IGFL2: variants seen among roughly 807,000 people sequenced by gnomAD.
IGFL2 encodes the protein insulin growth factor-like family member 2.
A neutral mutation model predicts 13.9 loss-of-function variants in IGFL2; 7 were observed. That is an observed-to-expected ratio of 0.51 (90% CI 0.29 to 0.95). The LOEUF (loss-of-function observed/expected upper bound fraction) is 0.95. Ranked by LOEUF, IGFL2 falls within the 40% of genes least tolerant of loss-of-function variation. The probability of loss-of-function intolerance (pLI) is 0.08; values close to 1 mark genes in which losing one functional copy is unlikely to be tolerated. For synonymous variants in IGFL2, 55 were observed against 55.8 expected (o/e 0.99, Z 0.07); for missense variants, 138 against 147.8 (o/e 0.93, Z 0.34).
chr19:46,120,270 T>C, the IGFL2 span: 11 of 1,607,306 alleles, frequency 6.8e-6, 1 homozygote, highest in Admixed American at 6.8e-5. Context: ...TAGTCTCCGA[T>C]GTCCAGCTGC....
chr19:46,093,604 A>C, the IGFL2 span, among the ~76,000 whole-genome samples: 17 of 152,338 alleles, frequency 1.1e-4, no homozygotes, highest in South Asian at 3.5e-3. Context: ...TGAACTGTCT[A>C]TTTACAGACA....
chr19:46,162,659 T>C (rs1168856062), downstream of IGFL2, among the ~76,000 whole-genome samples: 1 of 152,216 alleles, frequency 6.6e-6, no homozygotes, highest in Non-Finnish European at 1.5e-5. Flanking sequence ...TGTTAGGTTC[T>C]TTTTTATACC....
chr19:46,160,868 A>C lies in IGFL2; in HGVS notation c.328A>C (p.Ser110Arg), dbSNP rs375412531. The change falls in exon 3 of 4, where the codon AGT (serine) becomes CGT (arginine). Residue 110 changes from serine to arginine, a missense_variant. Physicochemically the swap from Ser to Arg is moderately radical, Grantham distance 110 (BLOSUM62 -1). Transcript: ENST00000377693. ...NSQCHSSPIS[S>R]KCESRRRFP ...CCAGTGCCACTCATCTCCCATCTCC[A>C]GTAAATGTGAAAGGTAGGGACCCCG... is the stretch of plus-strand genomic sequence containing the variant. 1 of 1,613,714 alleles carries C rather than the reference A, an allele frequency of 6.2e-7. No individual in the cohort carries two copies. The highest frequency in any genetic ancestry group is 8.5e-7 in the Non-Finnish European group (1 of 1,179,806).
the IGFL2 span, among the ~76,000 whole-genome samples, chr19:46,092,815 T>A: frequency 3.5e-4 from 54 of 152,198 alleles, no homozygotes; most frequent in African/African-American, 1.3e-3. Flanking sequence ...ATTGAAATTG[T>A]TATTTTATCA....
At chr19:46,147,533 C>G (rs375092349), upstream of IGFL2, among the ~76,000 whole-genome samples, 4 of 152,300 alleles carry the variant, frequency 2.6e-5, no homozygotes, top group South Asian at 4.1e-4. Flanking sequence ...TAGGCTGCAA[C>G]AAAATGCAGT....
the IGFL2 span, among the ~76,000 whole-genome samples, chr19:46,132,101 CA>C: frequency 3.3e-5 from 5 of 152,150 alleles, no homozygotes; most frequent in Non-Finnish European, 5.9e-5. Flanking sequence ...AGGAGGGAAA[CA>C]GTGAATTTTG....
At chr19:46,160,520 G>A in intron 2 of IGFL2, 52 bp downstream of exon 2, 4 of 1,612,680 alleles carry the variant, frequency 2.5e-6, no homozygotes, top group Non-Finnish European at 3.4e-6. Flanking sequence ...ACTTTGGAAA[G>A]TGGGCATGGG....
intron 1 of IGFL2, among the ~76,000 whole-genome samples, chr19:46,149,728 G>C (rs1973370779): frequency 6.6e-6 from 1 of 151,940 alleles, no homozygotes; most frequent in East Asian, 1.9e-4. Flanking sequence ...TTTTACAACT[G>C]AATAAATTCA....
At chr19:46,103,615 CAG>C in the IGFL2 span, among the ~76,000 whole-genome samples, 5,607 of 152,112 alleles carry the variant, frequency 0.037, 159 homozygotes, top group East Asian at 0.071. Flanking sequence ...GCAGTGTAAA[CAG>C]GGGCACGACA....
At chr19:46,097,072 A>C in the IGFL2 span, among the ~76,000 whole-genome samples, 3 of 152,352 alleles carry the variant, frequency 2.0e-5, no homozygotes, top group South Asian at 6.2e-4. Flanking sequence ...ATTGTTTGGA[A>C]TAGTTTCAGA....
upstream of IGFL2, among the ~76,000 whole-genome samples, chr19:46,142,056 GAC>G (rs1284253313): frequency 6.6e-6 from 1 of 152,054 alleles, no homozygotes; most frequent in East Asian, 1.9e-4. Context: ...TGACTTTAGG[GAC>G]CCAGGTACAC....
chr19:46,162,469 C>A (rs572998513), downstream of IGFL2, among the ~76,000 whole-genome samples: 1 of 152,298 alleles, frequency 6.6e-6, no homozygotes, highest in Admixed American at 6.5e-5. Context: ...TCCCATACTT[C>A]TTGGAGGTTT....
chr19:46,079,867 A>G, the IGFL2 span, among the ~76,000 whole-genome samples: 4 of 152,200 alleles, frequency 2.6e-5, no homozygotes, highest in African/African-American at 7.2e-5. Flanking sequence ...AACAGTGTCA[A>G]TTTTAGATCA....
the IGFL2 span, among the ~76,000 whole-genome samples, chr19:46,095,903 T>C: frequency 6.6e-6 from 1 of 152,166 alleles, no homozygotes; most frequent in Non-Finnish European, 1.5e-5. Flanking sequence ...TCTGTTTTGG[T>C]ACCAGTACCA....
At chr19:46,181,469 T>C in the IGFL2 span, 3 of 152,152 alleles carry the variant, frequency 2.0e-5, no homozygotes, top group Admixed American at 2.0e-4. Flanking sequence ...TAACAGGGGG[T>C]TGCAAGATTT....
the IGFL2 span, among the ~76,000 whole-genome samples, chr19:46,180,281 C>T: frequency 3.3e-5 from 5 of 151,394 alleles, no homozygotes; most frequent in African/African-American, 1.2e-4. Flanking sequence ...CGAGTTCAAG[C>T]AATTCTCCTG....
chr19:46,105,555 TGTGG>T, the IGFL2 span, among the ~76,000 whole-genome samples: 1 of 152,068 alleles, frequency 6.6e-6, no homozygotes, highest in South Asian at 2.1e-4. Flanking sequence ...TCAGGAATAA[TGTGG>T]GAGGCTGGAT....
chr19:46,094,704 AGT>A, the IGFL2 span, among the ~76,000 whole-genome samples: 1 of 151,548 alleles, frequency 6.6e-6, no homozygotes, highest in Admixed American at 6.6e-5. Flanking sequence ...GACAGGCCCC[AGT>A]GTGTGTTGTT....
At chr19:46,160,182 A>T (rs1039715546) in intron 1 of IGFL2, 2 of 554,052 alleles carry the variant, frequency 3.6e-6, no homozygotes, top group African/African-American at 3.8e-5. Flanking sequence ...ATAAACGAAG[A>T]TATTCCAAGA....
Sources: allele counts gnomAD v4.1 joint callset (sites outside exome capture counted in the v4.1 genomes callset), GRCh38; gene constraint gnomAD v4.1.1; transcripts MANE v1.5; gene names NCBI Gene and HGNC (gene_info 2026-07-23, HGNC 2026-07-21).